The following ATXN1 variants were observed in gnomAD, a reference collection of about 807,000 sequenced individuals.
ATXN1 encodes ataxin 1.
Under a neutral mutation model 56.4 loss-of-function variants are expected in ATXN1, and 8 were observed. The observed-to-expected ratio is 0.14, with a 90% CI of 0.08 to 0.26. The LOEUF is 0.26. Among genes scored for constraint, ATXN1 ranks in the 10% least tolerant of loss-of-function variants. The pLI is 1.00. For missense variants in ATXN1, 987 were observed against 1,106.5 expected, an observed-to-expected ratio of 0.89 and a Z score of 1.53; for synonymous variants, 514 against 494.6, an observed-to-expected ratio of 1.04 and a Z score of -0.52.
intron 6 of ATXN1, among the ~76,000 whole-genome samples, chr6:16,397,372 T>C (rs540250681): frequency 3.9e-5 from 6 of 152,278 alleles, no homozygotes; most frequent in Admixed American, 3.9e-4. Flanking sequence ...CAAGTGATTC[T>C]CCTGCTTCAG....
intron 5 of ATXN1, among the ~76,000 whole-genome samples, chr6:16,500,699 A>G (rs1445816906): frequency 6.7e-6 from 1 of 149,874 alleles, no homozygotes; most frequent in Non-Finnish European, 1.5e-5. Flanking sequence ...CCAAGATGTG[A>G]TAAGACTGGT....
At chr6:16,374,962 G>A (rs887620409) in intron 6 of ATXN1, among the ~76,000 whole-genome samples, 2 of 152,178 alleles carry the variant, frequency 1.3e-5, no homozygotes, top group Non-Finnish European at 1.5e-5. Context: ...CTGACTTTGC[G>A]GCAGCAGCTG....
chr6:16,508,642 G>A (rs950136676), intron 5 of ATXN1, among the ~76,000 whole-genome samples: 32 of 152,170 alleles, frequency 2.1e-4, no homozygotes, highest in African/African-American at 6.8e-4. Context: ...TGAGGACATA[G>A]AGAAACTGGA....
rs1267621899 is a variant in ATXN1 at position 16,607,706 on chromosome 6, C to T, written c.-488-21799G>A. Reference sequence around the variant, plus strand: ...ATGTGTTAGTAGAAAACAAAAATACCTTGGGTCAAGCATATCCCCAAATTC... The same window carrying T: ...ATGTGTTAGTAGAAAACAAAAATACTTTGGGTCAAGCATATCCCCAAATTC... On this transcript the variant is annotated intron_variant, in intron 3 of 7. Coordinates refer to ENST00000436367, the MANE Select transcript of ATXN1 (RefSeq NM_001128164.2). Among the ~76,000 whole-genome samples, 4 of 152,300 alleles carry T rather than the reference C, an allele frequency of 2.6e-5. No individual in the cohort carries two copies. In the East Asian group the frequency reaches 5.8e-4, roughly 22 times the overall value.
chr6:16,758,154 G>A (rs1463724434), intron 1 of ATXN1, among the ~76,000 whole-genome samples: 1 of 152,152 alleles, frequency 6.6e-6, no homozygotes, highest in Non-Finnish European at 1.5e-5. Context: ...TGTTATGATG[G>A]CTGTCAAGTT....
chr6:16,565,637 C>G (rs1417785413), intron 4 of ATXN1, among the ~76,000 whole-genome samples: 1 of 152,166 alleles, frequency 6.6e-6, no homozygotes, highest in Non-Finnish European at 1.5e-5. Context: ...ACCACAAACA[C>G]ACACATGCAC....
intron 4 of ATXN1, among the ~76,000 whole-genome samples, chr6:16,525,616 C>T (rs749170659): frequency 6.6e-6 from 1 of 151,988 alleles, no homozygotes; most frequent in Non-Finnish European, 1.5e-5. Flanking sequence ...TTTGATAGCA[C>T]AACAGAGTGA....
At chr6:16,744,741 C>T (rs1760467411) in intron 2 of ATXN1, among the ~76,000 whole-genome samples, 1 of 152,192 alleles carries the variant, frequency 6.6e-6, no homozygotes, top group Non-Finnish European at 1.5e-5. Context: ...CAAAGCCATC[C>T]AGTGGACCAC....
chr6:16,368,343 C>CTTCTTTTTTTTTT (rs1354007963), intron 6 of ATXN1, among the ~76,000 whole-genome samples: 13 of 75,898 alleles, frequency 1.7e-4, no homozygotes, highest in African/African-American at 4.6e-4. Flanking sequence ...ACTTCTTCTT[C>CTTCTTTTTTTTTT]TTTTTTTTTT....
At chr6:16,621,369 T>C (rs1260031080) in intron 3 of ATXN1, among the ~76,000 whole-genome samples, 2 of 152,168 alleles carry the variant, frequency 1.3e-5, no homozygotes, top group Non-Finnish European at 2.9e-5. Context: ...TCTTTGTATA[T>C]GCAAAACAGA....
At chr6:16,476,244 C>T (rs190125532) in intron 6 of ATXN1, among the ~76,000 whole-genome samples, 1 of 152,128 alleles carries the variant, frequency 6.6e-6, no homozygotes, top group African/African-American at 2.4e-5. Flanking sequence ...CTCTAGTATG[C>T]TTCCAGTTAT....
At chr6:16,518,381 G>A (rs1402861992) in intron 5 of ATXN1, among the ~76,000 whole-genome samples, 2 of 152,188 alleles carry the variant, frequency 1.3e-5, no homozygotes, top group African/African-American at 4.8e-5. Flanking sequence ...ATAATTTTGA[G>A]CAGGGTTAGC....
intron 6 of ATXN1, among the ~76,000 whole-genome samples, chr6:16,331,576 TG>T (rs1332136643): frequency 1.3e-5 from 2 of 151,772 alleles, no homozygotes; most frequent in Non-Finnish European, 2.9e-5. Flanking sequence ...TATGCAAGAG[TG>T]ATGTGTCAGA....
intron 7 of ATXN1, among the ~76,000 whole-genome samples, chr6:16,317,491 AT>A (rs960114191): frequency 6.6e-6 from 1 of 151,920 alleles, no homozygotes; most frequent in South Asian, 2.1e-4. Flanking sequence ...CACCAGGCTA[AT>A]TTTTTTGTAT....
intron 3 of ATXN1, among the ~76,000 whole-genome samples, chr6:16,640,941 T>C (rs1233179858): frequency 4.6e-5 from 7 of 152,180 alleles, no homozygotes; most frequent in Admixed American, 3.3e-4. Flanking sequence ...GCTACTCCAG[T>C]GAACTCATCA....
At chr6:16,444,145 G>A (rs1247688236) in intron 6 of ATXN1, among the ~76,000 whole-genome samples, 3 of 150,516 alleles carry the variant, frequency 2.0e-5, no homozygotes, top group South Asian at 2.1e-4. Context: ...ACACACAATC[G>A]ATCTATATCT....
intron 2 of ATXN1, among the ~76,000 whole-genome samples, chr6:16,658,418 T>C (rs900122295): frequency 6.6e-6 from 1 of 150,690 alleles, no homozygotes; most frequent in Non-Finnish European, 1.5e-5. Context: ...TTTTGCCCTA[T>C]AAGTAGGTAA....
At chr6:16,418,665 G>A (rs137887046) in intron 6 of ATXN1, among the ~76,000 whole-genome samples, 76 of 149,182 alleles carry the variant, frequency 5.1e-4, no homozygotes, top group African/African-American at 1.7e-3. Flanking sequence ...CCATTAACTC[G>A]TCATTTAGCA....
chr6:16,593,419 A>AT (rs1367003254), intron 3 of ATXN1, among the ~76,000 whole-genome samples: 1 of 152,226 alleles, frequency 6.6e-6, no homozygotes, highest in African/African-American at 2.4e-5. Flanking sequence ...TATTTCTATC[A>AT]TGCAATGTTT....
Sources: allele counts gnomAD v4.1 joint callset (sites outside exome capture counted in the v4.1 genomes callset), GRCh38; gene constraint gnomAD v4.1.1; transcripts MANE v1.5; gene names NCBI Gene and HGNC (gene_info 2026-07-23, HGNC 2026-07-21).